The following DGKI variants were observed in gnomAD, a reference collection of about 807,000 sequenced individuals.
The protein encoded by DGKI is diacylglycerol kinase iota.
Under a neutral mutation model 147.5 loss-of-function variants are expected in DGKI, and 55 were observed. The observed-to-expected ratio is 0.37, with a 90% CI of 0.30 to 0.47. DGKI has a LOEUF of 0.47. DGKI is among the 20% of genes least tolerant of loss of function. The probability of loss-of-function intolerance (pLI) is 1.00; values close to 1 mark genes in which losing one functional copy is unlikely to be tolerated. For synonymous variants in DGKI, 469 were observed against 477.1 expected (o/e 0.98, Z 0.22); for missense variants, 1,007 against 1,323.8 (o/e 0.76, Z 3.71).
chr7:137,444,015 T>C (rs1813614305), intron 28 of DGKI, 62 bp downstream of exon 28: 3 of 1,400,012 alleles, frequency 2.1e-6, no homozygotes, highest in Non-Finnish European at 2.9e-6. Flanking sequence ...GACAATGAAC[T>C]GCAAAGACCA....
chr7:137,575,835 C>T (rs976214046), intron 17 of DGKI, among the ~76,000 whole-genome samples: 15 of 151,650 alleles, frequency 9.9e-5, no homozygotes, highest in South Asian at 2.1e-4. Flanking sequence ...CTAATAGCAG[C>T]GGTAAAGGCC....
At chr7:137,451,619 A>G (rs1813960153) in intron 27 of DGKI, among the ~76,000 whole-genome samples, 1 of 152,218 alleles carries the variant, frequency 6.6e-6, no homozygotes, top group South Asian at 2.1e-4. Context: ...TGCACCTCTT[A>G]TGATGTTTTA....
Position 137,603,140 on chromosome 7 carries a change from G to C in DGKI, c.1168-3235C>G, listed in dbSNP as rs182688819. ...TATGTGACAGGCACAGTTTTAGGTA[G>C]GAGAATACAGAGATGAACAAGACAG... On this transcript the variant is annotated intron_variant, in intron 10 of 32. Transcript: ENST00000614521. 5.8e-4 allele frequency among the ~76,000 whole-genome samples: 88 copies of C among 152,228 alleles called. 1 individual carries two copies. The East Asian group carries it at 0.013, about 23-fold the overall frequency.
chr7:137,427,319 G>A (rs1192119089), intron 28 of DGKI, among the ~76,000 whole-genome samples: 1 of 152,172 alleles, frequency 6.6e-6, no homozygotes, highest in Non-Finnish European at 1.5e-5. Flanking sequence ...ATAAGGAAAC[G>A]AAGGCAGAAA....
chr7:137,665,496 C>G (rs3778794), intron 3 of DGKI, among the ~76,000 whole-genome samples: 26,282 of 152,038 alleles, frequency 0.17, 6,850 homozygotes, highest in African/African-American at 0.57. Context: ...AATTGCCTCT[C>G]GAGTACCGCA....
At chr7:137,661,490 A>AG (rs1257370893) in intron 3 of DGKI, among the ~76,000 whole-genome samples, 1 of 152,154 alleles carries the variant, frequency 6.6e-6, no homozygotes, top group East Asian at 1.9e-4. Context: ...AAAGGGCCAG[A>AG]GGGGGGCCAC....
intron 5 of DGKI, 72 bp downstream of exon 5, chr7:137,654,660 G>A (rs943389112): frequency 9.1e-7 from 1 of 1,095,072 alleles, no homozygotes; most frequent in Non-Finnish European, 1.4e-6. Flanking sequence ...ATTCCCTGGT[G>A]AATATCTATG....
At position 137,388,370 on chromosome 7, in the gene DGKI, G is replaced by A. The variant is rs989833858; in HGVS notation, c.*2850C>T. 6.6e-6 allele frequency: 1 copy of A among 152,036 alleles called. No individual in the cohort carries two copies. The highest frequency in any genetic ancestry group is 2.4e-5 in the African/African-American group (1 of 41,390). 9.4% of individuals were successfully genotyped at this position (152,036 alleles called of 1,614,324 possible). The stretch of plus-strand genomic sequence containing the variant: ...CCTCTATCAACCACATCTAAAAATG[G>A]AATCTCAAAGCAGTCAGTGCCATGA... On this transcript the variant is annotated 3_prime_UTR_variant, in exon 33 of 33. Transcript: ENST00000614521.
intron 5 of DGKI, among the ~76,000 whole-genome samples, chr7:137,647,076 G>C (rs1821851134): frequency 6.6e-6 from 1 of 152,126 alleles, no homozygotes; most frequent in Admixed American, 6.6e-5. Context: ...ATAAAACAAA[G>C]ACACAAGCTT....
chr7:137,439,912 A>C (rs1813429435), intron 28 of DGKI, among the ~76,000 whole-genome samples: 1 of 152,230 alleles, frequency 6.6e-6, no homozygotes, highest in Non-Finnish European at 1.5e-5. Flanking sequence ...ACTTTCTTTG[A>C]GAAGCCACTA....
At chr7:137,696,431 CTTTTTTTTTTTTTTTT>C (rs10609322) in intron 1 of DGKI, among the ~76,000 whole-genome samples, 3 of 36,682 alleles carry the variant, frequency 8.2e-5, no homozygotes, top group South Asian at 1.3e-3. Flanking sequence ...GCCCAAAAGA[CTTTTTTTTTTTTTTTT>C]TTTTTTTTTT....
At chr7:137,495,659 C>T (rs972029057) in intron 21 of DGKI, among the ~76,000 whole-genome samples, 6 of 152,004 alleles carry the variant, frequency 3.9e-5, no homozygotes, top group South Asian at 4.2e-4. Flanking sequence ...TCAACATACA[C>T]GAATCAATAA....
At chr7:137,778,961 A>G (rs1457367487) in intron 1 of DGKI, among the ~76,000 whole-genome samples, 1 of 152,192 alleles carries the variant, frequency 6.6e-6, no homozygotes, top group Non-Finnish European at 1.5e-5. Context: ...TGAAATCCCA[A>G]TCATAACTCC....
chr7:137,473,590 T>C (rs572119092), intron 23 of DGKI, among the ~76,000 whole-genome samples: 8 of 152,274 alleles, frequency 5.3e-5, no homozygotes, highest in Admixed American at 4.6e-4. Flanking sequence ...AAATGCCTTA[T>C]GAGAATAGGA....
chr7:137,432,906 T>C (rs764032776), intron 28 of DGKI, among the ~76,000 whole-genome samples: 109 of 152,100 alleles, frequency 7.2e-4, no homozygotes, highest in Non-Finnish European at 3.5e-4. Context: ...ATGAGGGAAG[T>C]TGTAGAAAAT....
At chr7:137,556,655 G>C (rs1186539584) in intron 19 of DGKI, among the ~76,000 whole-genome samples, 2 of 152,112 alleles carry the variant, frequency 1.3e-5, no homozygotes, top group Non-Finnish European at 1.5e-5. Context: ...AAACTTTATT[G>C]AAAGATGTAA....
intron 28 of DGKI, among the ~76,000 whole-genome samples, chr7:137,417,622 C>T (rs183502039): frequency 1.3e-5 from 2 of 152,250 alleles, no homozygotes; most frequent in East Asian, 3.9e-4. Flanking sequence ...AAGACAGCTG[C>T]TGTGATTTGT....
chr7:137,525,483 C>CAA (rs1817112012), intron 20 of DGKI, among the ~76,000 whole-genome samples: 1 of 152,148 alleles, frequency 6.6e-6, no homozygotes, highest in Non-Finnish European at 1.5e-5. Flanking sequence ...CTGGTGTAAA[C>CAA]AGCAGGTATG....
At chr7:137,794,482 T>C (rs10269220) in intron 1 of DGKI, among the ~76,000 whole-genome samples, 4,780 of 152,342 alleles carry the variant, frequency 0.031, 273 homozygotes, top group African/African-American at 0.11. Context: ...CACATGAAGA[T>C]GTAAACATGC....
Sources: gnomAD v4.1 joint callset for allele counts (sites outside exome capture counted in the v4.1 genomes callset) on GRCh38, gnomAD v4.1.1 for gene constraint, MANE v1.5 for transcripts, NCBI Gene and HGNC (gene_info 2026-07-23, HGNC 2026-07-21) for gene names.